The following ALK variants were observed in gnomAD, a reference collection of about 807,000 sequenced individuals.
ALK encodes ALK receptor tyrosine kinase.
ALK carries 74 observed loss-of-function variants against 163.1 expected under a neutral mutation model. The observed-to-expected ratio is 0.45, with a 90% CI of 0.38 to 0.55. The LOEUF (loss-of-function observed/expected upper bound fraction) is 0.55, where lower values mean the gene tolerates loss of function less well. Among genes scored for constraint, ALK ranks in the 20% least tolerant of loss-of-function variants. ALK has a pLI of 0.00. For missense variants in ALK, 2,063 were observed against 2,105.3 expected, an observed-to-expected ratio of 0.98 and a Z score of 0.39; for synonymous variants, 960 against 843.2, an observed-to-expected ratio of 1.14 and a Z score of -2.40.
At chr2:29,422,526 C>T (rs1670039194) in intron 4 of ALK, among the ~76,000 whole-genome samples, 1 of 152,184 alleles carries the variant, frequency 6.6e-6, no homozygotes, top group Admixed American at 6.5e-5. Context: ...GTGCCTTGGC[C>T]TTAGTACATT....
At chr2:29,672,648 T>A (rs1314743700) in intron 3 of ALK, among the ~76,000 whole-genome samples, 23 of 152,260 alleles carry the variant, frequency 1.5e-4, no homozygotes, top group Middle Eastern at 6.8e-3. Flanking sequence ...CGTGTGCATG[T>A]GTCTTCATAG....
At chr2:29,365,884 C>A (rs6710872) in intron 5 of ALK, among the ~76,000 whole-genome samples, 150,170 of 152,246 alleles carry the variant, frequency 0.99, 74,096 homozygotes, top group Middle Eastern at 1. Context: ...CTACAATGAG[C>A]TCATTATTAT....
chr2:29,879,379 A>G (rs982716105), intron 1 of ALK, among the ~76,000 whole-genome samples: 2 of 152,246 alleles, frequency 1.3e-5, no homozygotes, highest in Non-Finnish European at 2.9e-5. Flanking sequence ...CCTCCATCAA[A>G]AAGGTCTTGC....
At chr2:29,712,204 T>C (rs2148303018) in intron 2 of ALK, among the ~76,000 whole-genome samples, 1 of 152,324 alleles carries the variant, frequency 6.6e-6, no homozygotes, top group East Asian at 1.9e-4. Context: ...TCCTTGGTCT[T>C]GTGTGACTGC....
chr2:29,383,064 T>G (rs932609992), intron 5 of ALK, among the ~76,000 whole-genome samples: 1 of 152,076 alleles, frequency 6.6e-6, no homozygotes, highest in African/African-American at 2.4e-5. Flanking sequence ...TATTCAGGAA[T>G]AGCCTAAATT....
intron 4 of ALK, among the ~76,000 whole-genome samples, chr2:29,417,482 C>G (rs1308189534): frequency 6.6e-6 from 1 of 152,140 alleles, no homozygotes; most frequent in African/African-American, 2.4e-5. Flanking sequence ...AGAATTTCAT[C>G]CATCAGAGAA....
In ALK at chr2:29,914,101, C is replaced by T. The variant is rs182002273; in HGVS notation, c.667+5892G>A. On this transcript the variant is annotated intron_variant, in intron 1 of 28. Transcript: ENST00000389048. ...TCTGTAGGAAAAAAGAACTGGATTG[C>T]GAATATGCTGGTGGACTCTTTGAAC... 1.3e-3 allele frequency among the ~76,000 whole-genome samples: 192 copies of T among 152,226 alleles called. 1 individual carries two copies. Among genetic ancestry groups the T allele is most frequent in the Admixed American group, 2.4e-3 (37 of 15,302 alleles).
intron 5 of ALK, among the ~76,000 whole-genome samples, chr2:29,361,724 C>A (rs1346371210): frequency 1.3e-5 from 2 of 152,176 alleles, no homozygotes; most frequent in Non-Finnish European, 2.9e-5. Flanking sequence ...TCTCCCAGGA[C>A]TTCTGCTTTG....
chr2:29,657,231 A>G (rs1312828031), intron 3 of ALK, among the ~76,000 whole-genome samples: 2 of 152,148 alleles, frequency 1.3e-5, no homozygotes, highest in Non-Finnish European at 2.9e-5. Flanking sequence ...TAAAGATAAC[A>G]TTGGAAAAGA....
At chr2:29,522,262 T>A (rs1302860722) in intron 4 of ALK, among the ~76,000 whole-genome samples, 1 of 152,128 alleles carries the variant, frequency 6.6e-6, no homozygotes, top group Non-Finnish European at 1.5e-5. Context: ...GCTTCCCCAC[T>A]GTAAAAGTAG....
At chr2:29,562,200 TTTAA>T (rs1244077426) in intron 3 of ALK, among the ~76,000 whole-genome samples, 1 of 152,212 alleles carries the variant, frequency 6.6e-6, no homozygotes, top group Non-Finnish European at 1.5e-5. Flanking sequence ...TTGGATGAGC[TTTAA>T]TTGTTAGACA....
intron 8 of ALK, among the ~76,000 whole-genome samples, chr2:29,309,067 C>T (rs1558663584): frequency 6.6e-6 from 1 of 152,120 alleles, no homozygotes; most frequent in Non-Finnish European, 1.5e-5. Context: ...ATGGAGATGA[C>T]ACTGAGGAGT....
intron 3 of ALK, among the ~76,000 whole-genome samples, chr2:29,582,307 T>A (rs948566595): frequency 6.6e-6 from 1 of 152,204 alleles, no homozygotes; most frequent in Non-Finnish European, 1.5e-5. Flanking sequence ...CCCAAAATCC[T>A]ACAAGAATGG....
At chr2:29,668,504 T>C (rs778228000) in intron 3 of ALK, among the ~76,000 whole-genome samples, 20 of 152,174 alleles carry the variant, frequency 1.3e-4, no homozygotes, top group Non-Finnish European at 2.4e-4. Context: ...ATTTTCTTCA[T>C]TGACCCATTG....
chr2:29,375,072 T>C (rs1668723097), intron 5 of ALK, among the ~76,000 whole-genome samples: 1 of 152,064 alleles, frequency 6.6e-6, no homozygotes, highest in African/African-American at 2.4e-5. Context: ...ATCACAAAGC[T>C]CTGCAGGAGG....
At chr2:29,232,040 G>A (rs1664224269) in intron 15 of ALK, among the ~76,000 whole-genome samples, 1 of 58,048 alleles carries the variant, frequency 1.7e-5, no homozygotes, top group South Asian at 4.8e-4. Context: ...CAATTGCAGG[G>A]AGGGCCAGCT....
chr2:29,792,633 A>G (rs1212246906), intron 1 of ALK, among the ~76,000 whole-genome samples: 9 of 151,986 alleles, frequency 5.9e-5, no homozygotes, highest in African/African-American at 1.2e-4. Context: ...AAATGCCTCA[A>G]TGATATTGAG....
chr2:29,668,117 G>A (rs1677573345), intron 3 of ALK, among the ~76,000 whole-genome samples: 1 of 151,780 alleles, frequency 6.6e-6, no homozygotes, highest in Admixed American at 6.6e-5. Context: ...GTATTTCTGA[G>A]GTATCAGTTG....
At chr2:29,525,939 G>C (rs1009881448) in intron 4 of ALK, among the ~76,000 whole-genome samples, 2 of 152,088 alleles carry the variant, frequency 1.3e-5, no homozygotes, top group Non-Finnish European at 2.9e-5. Context: ...CATTTTAGTA[G>C]TTGCTTCAAT....
Sources: allele counts gnomAD v4.1 joint callset (sites outside exome capture counted in the v4.1 genomes callset), GRCh38; gene constraint gnomAD v4.1.1; transcripts MANE v1.5; gene names NCBI Gene and HGNC (gene_info 2026-07-23, HGNC 2026-07-21).